Variants in ABLIM3 observed in about 807,000 individuals in gnomAD.
The protein encoded by ABLIM3 is actin-binding LIM protein 3.
ABLIM3 carries 61 observed loss-of-function variants against 109.5 expected under a neutral mutation model. That is an observed-to-expected ratio of 0.56 (90% CI 0.45 to 0.69). The LOEUF is 0.69. ABLIM3 is among the 30% of genes least tolerant of loss of function. The pLI, the probability that ABLIM3 is intolerant of heterozygous loss-of-function variation, is 0.00. For missense variants in ABLIM3, 796 were observed against 889.5 expected (o/e 0.89, Z 1.34); for synonymous variants, 300 against 324.8 (o/e 0.92, Z 0.82).
At chr5:149,171,918 T>A (rs574929040) in intron 2 of ABLIM3, among the ~76,000 whole-genome samples, 63,096 of 151,986 alleles carry the variant, frequency 0.42, 13,632 homozygotes, top group East Asian at 0.67. Context: ...GTTTCTATTG[T>A]CCACTATTCT....
Position 149,258,616 on chromosome 5 carries a change from G to A in ABLIM3, c.*212G>A. 3.8e-6 allele frequency: 5 copies of A among 1,310,592 alleles called. No individual in the cohort carries two copies. The highest frequency in any genetic ancestry group is 3.9e-6 in the Non-Finnish European group (4 of 1,032,778). 81.2% of individuals were successfully genotyped at this position (1,310,592 alleles called of 1,614,324 possible). A position where few individuals can be genotyped will look rare whatever the true frequency, so the allele number is the denominator to read the frequency against. Reference sequence around the variant, plus strand: ...TGCTGTGGGATCTGGGAAGGGATTTGAGGGGACTCTGTCCTTTTATTGGGG... The same window carrying A: ...TGCTGTGGGATCTGGGAAGGGATTTAAGGGGACTCTGTCCTTTTATTGGGG... On this transcript the variant is annotated 3_prime_UTR_variant, in exon 24 of 24. Coordinates refer to ENST00000309868, the MANE Select transcript of ABLIM3 (RefSeq NM_014945.5).
chr5:149,237,631 G>C, intron 11 of ABLIM3, 28 bp downstream of exon 11: 1 of 1,612,626 alleles, frequency 6.2e-7, no homozygotes, highest in Non-Finnish European at 8.5e-7. Flanking sequence ...TCTCTCTGGG[G>C]CTATTGTAGG....
chr5:149,159,088 A>G (rs1754102606), intron 2 of ABLIM3, among the ~76,000 whole-genome samples: 1 of 152,254 alleles, frequency 6.6e-6, no homozygotes, highest in Non-Finnish European at 1.5e-5. Flanking sequence ...TGTTGCTGTC[A>G]GCTTGATTCA....
intron 8 of ABLIM3, among the ~76,000 whole-genome samples, chr5:149,225,662 G>A (rs1761109566): frequency 6.6e-6 from 1 of 152,014 alleles, no homozygotes; most frequent in Non-Finnish European, 1.5e-5. Flanking sequence ...CACCTGAGTG[G>A]TATACAATGC....
rs1046443 is a variant in ABLIM3 at position 149,259,774 on chromosome 5, T to A, written c.*1370T>A. The stretch of plus-strand genomic sequence containing the variant: ...AGCCTTGAGTCGGACCATTTTGAGA[T>A]CATGGAGGAAGGATGAAGAAGTGAA... On this transcript the variant is annotated 3_prime_UTR_variant, in exon 24 of 24. Transcript: ENST00000309868. The A allele has an allele frequency of 0.051, 31,696 of 623,284 alleles. 1,794 individuals are homozygous for A. Among genetic ancestry groups the A allele is most frequent in the African/African-American group, 0.22 (11,899 of 54,304 alleles). 38.6% of individuals were successfully genotyped at this position (623,284 alleles called of 1,614,324 possible).
chr5:149,248,873 C>CAA (rs1488658041), intron 18 of ABLIM3, among the ~76,000 whole-genome samples: 13 of 63,596 alleles, frequency 2.0e-4, no homozygotes, highest in Non-Finnish European at 1.5e-4. Flanking sequence ...CACACACACA[C>CAA]ACACACACAC....
rs149111210 is a variant in ABLIM3, at chr5:149,200,329, A to C, written c.349A>C (p.Ile117Leu). ...TCCCACTTGCAGGAAGCCTTTCCCC[A>C]TTGGAGACAAGGTGACCTTCAGCGG... ...VCSLCRKPFP[I>L]GDKVTFSGKE... Residue 117 changes from isoleucine (I) to leucine (L), a missense_variant, in exon 5 of 24, where the codon ATT becomes CTT. Coordinates refer to ENST00000309868, the MANE Select transcript of ABLIM3 (RefSeq NM_014945.5). The C allele has an allele frequency of 1.1e-5, 17 of 1,614,202 alleles. No individual in the cohort carries two copies. Among genetic ancestry groups the C allele is most frequent in the Non-Finnish European group, 1.3e-5 (15 of 1,180,034 alleles).
intron 2 of ABLIM3, among the ~76,000 whole-genome samples, chr5:149,151,724 C>G (rs1476710836): frequency 6.6e-6 from 1 of 152,236 alleles, no homozygotes; most frequent in Non-Finnish European, 1.5e-5. Context: ...ACACTTTCCA[C>G]CCCACCTGGT....
chr5:149,203,751 G>A (rs893909567), intron 5 of ABLIM3, among the ~76,000 whole-genome samples: 9 of 151,946 alleles, frequency 5.9e-5, no homozygotes, highest in Non-Finnish European at 8.8e-5. Flanking sequence ...CACCAACACT[G>A]TCAACACCAA....
At chr5:149,230,766 C>T in intron 9 of ABLIM3, 59 bp downstream of exon 9, 5 of 1,582,686 alleles carry the variant, frequency 3.2e-6, no homozygotes, top group Non-Finnish European at 4.3e-6. Context: ...CTGCCACAGG[C>T]TAAGGGAGCT....
chr5:149,142,069 T>G lies in ABLIM3; in HGVS notation c.-27T>G. 1.9e-6 allele frequency: 3 copies of G among 1,610,620 alleles called. No individual in the cohort carries two copies. Among genetic ancestry groups the G allele is most frequent in the East Asian group, 4.5e-5 (2 of 44,686 alleles). ...AAGCAGCCGGGGCCTCCGTATTGAA[T>G]GAAAGACCCAGTGCAAAGACATCAC... On this transcript the variant is annotated 5_prime_UTR_variant, in exon 2 of 24. It removes an upstream start codon present in the reference 5' UTR. Transcript: ENST00000309868.
chr5:149,242,062 T>C (rs1467033188), intron 14 of ABLIM3, among the ~76,000 whole-genome samples: 1 of 152,102 alleles, frequency 6.6e-6, no homozygotes, highest in Non-Finnish European at 1.5e-5. Flanking sequence ...AGGGGTCCCA[T>C]CCTGTCTGTC....
At chr5:149,216,516 A>C in intron 7 of ABLIM3, 1 of 139,662 alleles carries the variant, frequency 7.2e-6, no homozygotes, top group Non-Finnish European at 1.6e-5. Context: ...AGAGGACTGA[A>C]AAGATCTTTT....
chr5:149,210,271 T>C (rs1470720945), intron 6 of ABLIM3, among the ~76,000 whole-genome samples: 1 of 152,154 alleles, frequency 6.6e-6, no homozygotes, highest in Non-Finnish European at 1.5e-5. Context: ...GAATTCCAGC[T>C]CTAGGTCATC....
chr5:149,199,364 T>C (rs1472754445), intron 4 of ABLIM3, among the ~76,000 whole-genome samples: 1 of 152,198 alleles, frequency 6.6e-6, no homozygotes, highest in Admixed American at 6.5e-5. Context: ...GAGTTTCTGA[T>C]TGAGACTAAT....
At chr5:149,232,685 T>C (rs900866008) in intron 9 of ABLIM3, among the ~76,000 whole-genome samples, 1 of 152,222 alleles carries the variant, frequency 6.6e-6, no homozygotes, top group East Asian at 1.9e-4. Context: ...AGGCACCCTC[T>C]TATGCATTAA....
intron 14 of ABLIM3, among the ~76,000 whole-genome samples, chr5:149,241,644 A>T (rs993012201): frequency 2.0e-5 from 3 of 152,334 alleles, no homozygotes; most frequent in Admixed American, 2.0e-4. Context: ...CTGTAATTCC[A>T]GCTACTCAGG....
chr5:149,242,136 G>A (rs1752915167), intron 14 of ABLIM3, among the ~76,000 whole-genome samples: 2 of 152,182 alleles, frequency 1.3e-5, no homozygotes, highest in South Asian at 4.1e-4. Flanking sequence ...TTTTCACATG[G>A]AATGAGGTGT....
chr5:149,249,628 G>A (rs999200267), intron 18 of ABLIM3, among the ~76,000 whole-genome samples, 187 bp from the exon 19 acceptor site: 4 of 152,182 alleles, frequency 2.6e-5, no homozygotes, highest in African/African-American at 9.7e-5. Flanking sequence ...GCTGGACAGG[G>A]AAGGGAGATG....
Sources: gnomAD v4.1 joint callset for allele counts (sites outside exome capture counted in the v4.1 genomes callset) on GRCh38, gnomAD v4.1.1 for gene constraint, MANE v1.5 for transcripts, NCBI Gene and HGNC (gene_info 2026-07-23, HGNC 2026-07-21) for gene names.